Variants in PKD1 observed in about 807,000 individuals in gnomAD.
PKD1 encodes the protein polycystin 1, transient receptor potential channel interacting.
A neutral mutation model predicts 361.7 loss-of-function variants in PKD1; 81 were observed. The observed-to-expected ratio is 0.22, with a 90% CI of 0.19 to 0.27. The LOEUF is 0.27. PKD1 is among the 10% of genes least tolerant of loss of function. The pLI is 1.00. For missense variants in PKD1, 6,399 were observed against 6,118.3 expected (o/e 1.05, Z -1.53); for synonymous variants, 3,615 against 2,818.3 (o/e 1.28, Z -8.95).
rs779262329 is a variant in PKD1, at chr16:2,110,979, G to A, written c.4188C>T (p.Asp1396=). The A allele has an allele frequency of 1.7e-5, 27 of 1,610,364 alleles. No homozygotes were observed. The highest frequency in any genetic ancestry group is 2.7e-5 in the African/African-American group (2 of 74,862). ...AGGCACATGCCACCAGCCAGGCCTC[G>A]TCCCCGAGCTGCACAAACTGCCTCT... The part of the protein sequence containing the change: ...QPERQFVQLG[D]EAWLVACAWP... The change falls in exon 15 of 46, where the codon GAC becomes GAT. Residue 1396 remains aspartate (D), a synonymous_variant. Transcript: ENST00000262304.
In PKD1 at chr16:2,118,546, G is replaced by A. The variant is rs1298292640; in HGVS notation, c.530-84C>T. On this transcript the variant is annotated intron_variant, in intron 4 of 45. Coordinates refer to ENST00000262304, the MANE Select transcript of PKD1 (RefSeq NM_001009944.3). This position sits in a 1 kb window ranked among gnomAD's most constrained non-coding sequence, Gnocchi z 6.0. ...CCACATCCGCCCGCCGCACTCACAG[G>A]CTCCCATGCTGTTCCCTTGGCCCGG... is the stretch of plus-strand genomic sequence containing the variant. 2 of 1,229,398 alleles carry A rather than the reference G, an allele frequency of 1.6e-6. No homozygotes were observed. Among genetic ancestry groups the A allele is most frequent in the East Asian group, 2.5e-5 (1 of 39,588 alleles). 76.2% of individuals were successfully genotyped at this position (1,229,398 alleles called of 1,614,324 possible). A position where few individuals can be genotyped will look rare whatever the true frequency, so the allele number is the denominator to read the frequency against.
rs1425086603 is a variant in PKD1, at chr16:2,107,164, G to T, written c.7066-216C>A. 23 of 626,634 alleles carry T rather than the reference G, an allele frequency of 3.7e-5. No homozygotes were observed. In the South Asian group the frequency reaches 3.7e-4, roughly 10 times the overall value. 38.8% of individuals were successfully genotyped at this position (626,634 alleles called of 1,614,324 possible). On this transcript the variant is annotated intron_variant, in intron 16 of 45. Transcript: ENST00000262304. ...CAGGGCAGAGGACACTGGAGTGTGC[G>T]TTCTGGTGTACTGGACCCAGCTGGA...
intron 1 of PKD1, among the ~76,000 whole-genome samples, chr16:2,126,394 C>A (rs932321353): frequency 6.6e-6 from 1 of 152,264 alleles, no homozygotes; most frequent in Admixed American, 6.5e-5. Flanking sequence ...CCAGGCTGGG[C>A]CAGGGCTGGG....
chr16:2,095,248 A>AAC (rs1412247353), intron 34 of PKD1: 1 of 151,918 alleles, frequency 6.6e-6, no homozygotes, highest in East Asian at 1.9e-4. Flanking sequence ...TCTCTACTAA[A>AAC]ACACACACAC....
rs80360490 is a variant in PKD1, at chr16:2,109,443, C to A, written c.5724G>T (p.Gln1908His). ...CAGCTGAGCCGGCAGCCAGCAGGAT[C>A]TGAAAATGGACCAGCTGCCCGGGCG... ...VVAPGQLVHF[Q>H]ILLAAGSAVT... Residue 1908 changes from glutamine (Q) to histidine (H), a missense_variant, in exon 15 of 46, where the codon CAG becomes CAT. Gln to His is a conservative substitution (Grantham distance 24). Transcript: ENST00000262304. 1.2e-6 allele frequency: 2 copies of A among 1,606,362 alleles called. No homozygotes were observed. Among genetic ancestry groups the A allele is most frequent in the African/African-American group, 1.3e-5 (1 of 74,982 alleles).
intron 1 of PKD1, among the ~76,000 whole-genome samples, chr16:2,130,831 A>G (rs1433439328): frequency 2.6e-5 from 4 of 152,238 alleles, no homozygotes; most frequent in Non-Finnish European, 5.9e-5. Context: ...GGGTGCTCCT[A>G]TATTTTACAT....
chr16:2,125,760 C>T (rs896344177), intron 1 of PKD1, among the ~76,000 whole-genome samples: 2 of 151,856 alleles, frequency 1.3e-5, no homozygotes, highest in African/African-American at 2.4e-5. Flanking sequence ...GAATGAGGGC[C>T]GGCTCCTGGT....
intron 22 of PKD1, 28 bp downstream of exon 22, chr16:2,104,470 G>C: frequency 6.7e-7 from 1 of 1,485,608 alleles, no homozygotes; most frequent in African/African-American, 1.5e-5. Context: ...CGGGGCGGGC[G>C]GGTGGCATGG....
Position 2,135,349 on chromosome 16 carries a change from G to A in PKD1, c.215+126C>T, listed in dbSNP as rs543984808. The A allele has an allele frequency of 5.7e-5, 61 of 1,068,002 alleles. No individual in the cohort carries two copies. The Admixed American group carries it at 1.1e-3, about 19-fold the overall frequency. 66.2% of individuals were successfully genotyped at this position (1,068,002 alleles called of 1,614,324 possible). On this transcript the variant is annotated intron_variant, in intron 1 of 45. Coordinates refer to ENST00000262304, the MANE Select transcript of PKD1 (RefSeq NM_001009944.3). ...GTTCCTTATTTAGCAGGGCCGCCGT[G>A]CCGCGCCGGAGCCTCGCCCTGGGAG...
Position 2,112,972 on chromosome 16 carries a change from A to G in PKD1, c.2986-9T>C. On this transcript the variant is annotated splice_polypyrimidine_tract_variant and intron_variant, in intron 12 of 45. Coordinates refer to ENST00000262304, the MANE Select transcript of PKD1 (RefSeq NM_001009944.3). The stretch of plus-strand genomic sequence containing the variant: ...TGGTTGGAGGCCGTCAGCTGCAGGG[A>G]CAGGCGTCAGTGAGCCCAGGTGGCA... 1 of 1,597,556 alleles carries G rather than the reference A, an allele frequency of 6.3e-7. No individual in the cohort carries two copies. Among genetic ancestry groups the G allele is most frequent in the Non-Finnish European group, 8.5e-7 (1 of 1,179,246 alleles).
At chr16:2,093,124 T>A in intron 37 of PKD1, 31 bp from the exon 38 acceptor site, 1 of 1,611,120 alleles carries the variant, frequency 6.2e-7, no homozygotes. Context: ...GTGGTCAGCC[T>A]GGCCCCAGCC....
chr16:2,120,977 A>G (rs1408289542), intron 1 of PKD1, among the ~76,000 whole-genome samples: 1 of 150,198 alleles, frequency 6.7e-6, no homozygotes, highest in Non-Finnish European at 1.5e-5. Flanking sequence ...AGATCACGCC[A>G]CTGCAATCCA....
Position 2,115,629 on chromosome 16 carries a change from T to C in PKD1, c.1850-4A>G, listed in dbSNP as rs35929659. The C allele has an allele frequency of 0.18, 281,282 of 1,579,892 alleles. 31,130 individuals are homozygous for C. Among genetic ancestry groups the C allele is most frequent in the African/African-American group, 0.48 (35,432 of 73,620 alleles). ...TCGCTGCCGTTCTCCGGGGTCCCTG[T>C]GAGGAGGGGAGGGTGTTGGGGCCCT... is the stretch of plus-strand genomic sequence containing the variant. On this transcript the variant is annotated splice_polypyrimidine_tract_variant and splice_region_variant and intron_variant, in intron 9 of 45. Coordinates refer to ENST00000262304, the MANE Select transcript of PKD1 (RefSeq NM_001009944.3).
Position 2,110,501 on chromosome 16 carries a change from T to C in PKD1, c.4666A>G (p.Ser1556Gly), listed in dbSNP as rs2092474053. ...RRVRGLVVNA[S>G]RTVVPLNGSV... ...CCATTCAGGGGCACCACCGTGCGGCTTGCATTGACGACGAGCCCCCGCACG... is the reference window on the plus strand; with the variant it reads ...CCATTCAGGGGCACCACCGTGCGGCCTGCATTGACGACGAGCCCCCGCACG... Residue 1556 changes from serine (S) to glycine (G), a missense_variant, in exon 15 of 46, where the codon AGC (serine) becomes GGC (glycine). Physicochemically the swap from Ser to Gly is moderately conservative, Grantham distance 56. Coordinates refer to ENST00000262304, the MANE Select transcript of PKD1 (RefSeq NM_001009944.3). 1.2e-6 allele frequency: 2 copies of C among 1,612,204 alleles called. No homozygotes were observed. Among genetic ancestry groups the C allele is most frequent in the Admixed American group, 1.7e-5 (1 of 60,000 alleles).
Position 2,105,365 on chromosome 16 carries a change from A to G in PKD1, c.7973T>C (p.Val2658Ala). ...AGCAGCGATCTGCTGGATGTCATCC[A>G]CAGTGTGGACCCTCAGGGACACCAG... ...ETLVSLRVHTVDDIQQIAAAL... is the reference protein window; with the variant it reads ...ETLVSLRVHTADDIQQIAAAL... Residue 2658 changes from valine to alanine, a missense_variant, in exon 21 of 46, where the codon GTG becomes GCG. Val to Ala is a moderately conservative substitution (Grantham distance 64, BLOSUM62 0). Transcript: ENST00000262304. 1 of 1,590,968 alleles carries G rather than the reference A, an allele frequency of 6.3e-7. No homozygotes were observed. Among genetic ancestry groups the G allele is most frequent in the Non-Finnish European group, 8.5e-7 (1 of 1,175,696 alleles).
chr16:2,123,729 G>C (rs1318170544), intron 1 of PKD1, among the ~76,000 whole-genome samples: 1 of 152,148 alleles, frequency 6.6e-6, no homozygotes, highest in Non-Finnish European at 1.5e-5. Flanking sequence ...CAAGAGCACA[G>C]AGCAGAGTGC....
chr16:2,129,162 G>GTT (rs773049623), intron 1 of PKD1, among the ~76,000 whole-genome samples: 22 of 132,488 alleles, frequency 1.7e-4, no homozygotes, highest in Admixed American at 2.3e-4. Flanking sequence ...CGCCCACCCT[G>GTT]TTTTTTTTTT....
At position 2,114,921 on chromosome 16, in the gene PKD1, G is replaced by A. The variant is rs1456789343; in HGVS notation, c.2102C>T (p.Thr701Ile). Reference sequence around the variant, plus strand: ...CATGAGGACATCCTGGCCGTGGAGGGTGACCTGTGGAGAGGGAGGCAGGGC... The same window carrying A: ...CATGAGGACATCCTGGCCGTGGAGGATGACCTGTGGAGAGGGAGGCAGGGC... ...PAGPPAQYSV[T>I]LHGQDVLMLP... Residue 701 changes from threonine to isoleucine, a missense_variant, in exon 11 of 46, where the codon ACC (threonine) becomes ATC (isoleucine). By Grantham distance (89) the Thr-to-Ile change is moderately conservative. Transcript: ENST00000262304. 14 of 1,499,824 alleles carry A rather than the reference G, an allele frequency of 9.3e-6. No individual in the cohort carries two copies. Among genetic ancestry groups the A allele is most frequent in the East Asian group, 4.9e-5 (2 of 40,874 alleles). 92.9% of individuals were successfully genotyped at this position (1,499,824 alleles called of 1,614,324 possible). A position where few individuals can be genotyped will look rare whatever the true frequency, so the allele number is the denominator to read the frequency against.
chr16:2,132,320 A>G (rs1427559202), intron 1 of PKD1, among the ~76,000 whole-genome samples: 2 of 151,848 alleles, frequency 1.3e-5, no homozygotes, highest in Admixed American at 6.6e-5. Context: ...CTGTAATCCC[A>G]GCACTTTGGG....
Sources: allele counts gnomAD v4.1 joint callset (sites outside exome capture counted in the v4.1 genomes callset), GRCh38; gene constraint gnomAD v4.1.1; non-coding constraint Gnocchi (gnomAD v3.1); transcripts MANE v1.5; gene names NCBI Gene and HGNC (gene_info 2026-07-23, HGNC 2026-07-21).